The following DNAH14 variants were observed in gnomAD, a reference collection of about 807,000 sequenced individuals.
The protein encoded by DNAH14 is dynein axonemal heavy chain 14.
A neutral mutation model predicts 520.9 loss-of-function variants in DNAH14; 478 were observed. The observed-to-expected ratio is 0.92, with a 90% CI of 0.85 to 0.99. DNAH14 has a LOEUF of 0.99. Ranked by LOEUF, DNAH14 falls within the 50% of genes least tolerant of loss-of-function variation. DNAH14 has a pLI of 0.00. For synonymous variants in DNAH14, 1,581 were observed against 1,757.2 expected (o/e 0.90, Z 2.51); for missense variants, 4,831 against 5,234.5 (o/e 0.92, Z 2.38).
rs570666767 is a variant in DNAH14, at chr1:224,952,764, C to G, written c.62C>G (p.Thr21Ser). The G allele has an allele frequency of 1.3e-6, 2 of 1,597,994 alleles. No individual in the cohort carries two copies. Among genetic ancestry groups the G allele is most frequent in the Non-Finnish European group, 1.7e-6 (2 of 1,172,134 alleles). ...AATCAAGAGATGGACAAGGAGGAAA[C>G]CAAGACAAAACCAAGGTAAAAGTAA... is the stretch of plus-strand genomic sequence containing the variant. ...TENQEMDKEETKTKPRLLRYE... is the reference protein window; with the variant it reads ...TENQEMDKEESKTKPRLLRYE... The change falls in exon 2 of 86, where the codon ACC (threonine) becomes AGC (serine). Residue 21 changes from threonine (T) to serine (S), a missense_variant. Coordinates refer to ENST00000682510, the MANE Select transcript of DNAH14 (RefSeq NM_001367479.1).
chr1:225,049,806 C>CTATCTATG (rs1250903288), intron 15 of DNAH14, among the ~76,000 whole-genome samples: 1 of 151,198 alleles, frequency 6.6e-6, no homozygotes, highest in East Asian at 1.9e-4. Context: ...ATCTATCTAT[C>CTATCTATG]TATCAATCAT....
intron 31 of DNAH14, among the ~76,000 whole-genome samples, chr1:225,148,311 T>G (rs564370947): frequency 6.6e-6 from 1 of 152,264 alleles, no homozygotes; most frequent in African/African-American, 2.4e-5. Context: ...TTTTTGACTT[T>G]TTAGTGATAG....
chr1:225,003,461 A>G (rs1253443492), intron 9 of DNAH14, among the ~76,000 whole-genome samples: 1 of 152,104 alleles, frequency 6.6e-6, no homozygotes, highest in Non-Finnish European at 1.5e-5. Flanking sequence ...GTATGGGGAA[A>G]AAAGTAAAAT....
chr1:225,319,731 A>C (rs568308063), intron 61 of DNAH14, among the ~76,000 whole-genome samples: 1 of 152,184 alleles, frequency 6.6e-6, no homozygotes, highest in Non-Finnish European at 1.5e-5. Flanking sequence ...TGTTCTGGGC[A>C]CTGAGGTTGT....
chr1:225,393,104 G>A (rs992890446), intron 84 of DNAH14, among the ~76,000 whole-genome samples: 5 of 152,216 alleles, frequency 3.3e-5, no homozygotes, highest in African/African-American at 1.2e-4. Context: ...ACAGGGTTGG[G>A]AGACATTGGT....
intron 10 of DNAH14, among the ~76,000 whole-genome samples, chr1:225,011,859 G>A (rs950128548): frequency 2.8e-5 from 4 of 143,876 alleles, no homozygotes; most frequent in Non-Finnish European, 4.5e-5. Flanking sequence ...CACGTGAGAT[G>A]TGTCTCCTGA....
chr1:225,351,757 TC>T lies in DNAH14; in HGVS notation c.11410del (p.Leu3804PhefsTer20). On this transcript the variant is annotated frameshift_variant, in exon 72 of 86. Coordinates refer to ENST00000682510, the MANE Select transcript of DNAH14 (RefSeq NM_001367479.1). LOFTEE classifies it high-confidence loss of function. ...GGAACCATTTTCACTTCTGTGCAAA[TC>T]CCTTTTATCAAACGTATCACAATGG... ...HLEPFSLLCK[S>X]LLSNVSQWDT... 1 of 1,551,360 alleles carries T rather than the reference TC, an allele frequency of 6.4e-7. No homozygotes were observed. The highest frequency in any genetic ancestry group is 8.7e-7 in the Non-Finnish European group (1 of 1,146,760).
rs1361440602 is a variant in DNAH14 at position 225,002,895 on chromosome 1, G to C, written c.943G>C (p.Glu315Gln). ...TAATCTCAAAAATTATAATGACCAT[G>C]AAAATAATCTATCTGCCATATGCCT... ...AINLKNYNDH[E>Q]NNLSAICLVK... The change falls in exon 9 of 86, where the codon GAA (glutamate) becomes CAA (glutamine). Residue 315 changes from glutamate to glutamine, a missense_variant. Coordinates refer to ENST00000682510, the MANE Select transcript of DNAH14 (RefSeq NM_001367479.1). 6.5e-6 allele frequency: 10 copies of C among 1,549,062 alleles called. No individual in the cohort carries two copies. Among genetic ancestry groups the C allele is most frequent in the Admixed American group, 2.0e-5 (1 of 50,870 alleles).
At chr1:225,030,302 T>G (rs991309072) in intron 11 of DNAH14, among the ~76,000 whole-genome samples, 1 of 151,980 alleles carries the variant, frequency 6.6e-6, no homozygotes, top group Non-Finnish European at 1.5e-5. Flanking sequence ...ATGATATCTG[T>G]GTTCTACAAA....
chr1:225,296,983 T>C (rs577341013), intron 55 of DNAH14, among the ~76,000 whole-genome samples: 3 of 152,294 alleles, frequency 2.0e-5, no homozygotes, highest in East Asian at 3.9e-4. Context: ...TTGAATCTAC[T>C]TGGGGACATT....
At chr1:225,214,196 A>G (rs2088911405) in intron 41 of DNAH14, among the ~76,000 whole-genome samples, 1 of 152,082 alleles carries the variant, frequency 6.6e-6, no homozygotes, top group African/African-American at 2.4e-5. Flanking sequence ...TTCTGTTTAT[A>G]TGATGGATTA....
intron 1 of DNAH14, among the ~76,000 whole-genome samples, chr1:224,948,743 C>A (rs2059996683): frequency 6.6e-6 from 1 of 151,980 alleles, no homozygotes. Flanking sequence ...TTAGTCATTA[C>A]CATAAAAATT....
rs191944733 is a variant in DNAH14, at chr1:224,948,017, A to G, written c.-33-4653A>G. On this transcript the variant is annotated intron_variant, in intron 1 of 85. Transcript: ENST00000682510. ...ATGTATTCTGCACTTCTTGAGTTTT[A>G]TATAATATATATGTTAAATCAAACT... Among the ~76,000 whole-genome samples the G allele has an allele frequency of 1.2e-3, 179 of 152,132 alleles. 2 individuals carry two copies. Among genetic ancestry groups the G allele is most frequent in the Middle Eastern group, 6.8e-3 (2 of 294 alleles).
intron 75 of DNAH14, among the ~76,000 whole-genome samples, chr1:225,361,168 T>TA (rs1240477983): frequency 6.6e-6 from 1 of 152,226 alleles, no homozygotes; most frequent in African/African-American, 2.4e-5. Flanking sequence ...TCTCAATAGA[T>TA]ATATAAGCAT....
At chr1:225,205,360 A>AT (rs1372197881) in intron 39 of DNAH14, among the ~76,000 whole-genome samples, 1 of 152,202 alleles carries the variant, frequency 6.6e-6, no homozygotes, top group Non-Finnish European at 1.5e-5. Context: ...GAATGTGCCC[A>AT]TCTGTCAACC....
At position 225,346,106 on chromosome 1, in the gene DNAH14, C is replaced by A; in HGVS notation, c.10823C>A (p.Thr3608Asn). ...CGTAAAAACTATCTCCCCATTGCGA[C>A]CCGAGGCGCCCTGCTCTACTTCCTA... ...AIRKNYLPIA[T>N]RGALLYFLVA... Residue 3608 changes from threonine (T) to asparagine (N), a missense_variant, in exon 70 of 86, where the codon ACC (threonine) becomes AAC (asparagine). Physicochemically the swap from Thr to Asn is moderately conservative, Grantham distance 65 (BLOSUM62 0). Coordinates refer to ENST00000682510, the MANE Select transcript of DNAH14 (RefSeq NM_001367479.1). 6 of 1,551,702 alleles carry A rather than the reference C, an allele frequency of 3.9e-6. No individual in the cohort carries two copies. The highest frequency in any genetic ancestry group is 4.4e-6 in the Non-Finnish European group (5 of 1,146,980).
In DNAH14 at chr1:225,049,929, G is replaced by A. The variant is rs80273993; in HGVS notation, c.1913-281G>A. 8.1e-3 allele frequency among the ~76,000 whole-genome samples: 1,228 copies of A among 152,180 alleles called. 9 individuals carry two copies. The highest frequency in any genetic ancestry group is 0.02 in the Middle Eastern group (6 of 294). ...ATAATGCTCTCCACATAACAGATAC[G>A]TGTCAAATATTTGTAAACTGAATGA... On this transcript the variant is annotated intron_variant, in intron 15 of 85. Transcript: ENST00000682510.
At position 225,258,989 on chromosome 1, in the gene DNAH14, TA is replaced by T. The variant is rs1009612599; in HGVS notation, c.7025-128del. On this transcript the variant is annotated intron_variant, in intron 45 of 85. Coordinates refer to ENST00000682510, the MANE Select transcript of DNAH14 (RefSeq NM_001367479.1). ...TTAACCACTCTTAACCACATTTTTT[TA>T]AAAGGGAAGAACAAAAAAACACTTT... 40 of 943,392 alleles carry T rather than the reference TA, an allele frequency of 4.2e-5. No individual in the cohort carries two copies. In the African/African-American group the frequency reaches 6.3e-4, roughly 15 times the overall value. 58.4% of individuals were successfully genotyped at this position (943,392 alleles called of 1,614,324 possible). A position where few individuals can be genotyped will look rare whatever the true frequency, so the allele number is the denominator to read the frequency against.
At chr1:224,992,140 A>G (rs2063101388) in intron 8 of DNAH14, among the ~76,000 whole-genome samples, 1 of 152,014 alleles carries the variant, frequency 6.6e-6, no homozygotes, top group East Asian at 1.9e-4. Flanking sequence ...TTTAATTGCT[A>G]TAGATTTAAG....
Sources: allele counts gnomAD v4.1 joint callset (sites outside exome capture counted in the v4.1 genomes callset), GRCh38; gene constraint gnomAD v4.1.1; transcripts MANE v1.5; gene names NCBI Gene and HGNC (gene_info 2026-07-23, HGNC 2026-07-21).